Variants in THNSL1 observed in about 807,000 individuals in gnomAD.
THNSL1 encodes the protein threonine synthase-like 1.
In THNSL1, 48 loss-of-function variants were observed where a neutral mutation model predicts 50.4. That is an observed-to-expected ratio of 0.95 (90% confidence interval 0.76 to 1.21). The LOEUF (loss-of-function observed/expected upper bound fraction) is 1.21, where lower values mean the gene tolerates loss of function less well. THNSL1 is among the 50% of genes most tolerant of loss of function. The pLI is 0.00. For synonymous variants in THNSL1, 309 were observed against 306.1 expected, an observed-to-expected ratio of 1.01 and a Z score of -0.10; for missense variants, 896 against 871.7, an observed-to-expected ratio of 1.03 and a Z score of -0.35.
the THNSL1 span, chr10:24,952,584 C>G: frequency 1.4e-6 from 2 of 1,444,500 alleles, no homozygotes; most frequent in Non-Finnish European, 1.9e-6. This position sits in a 1 kb window ranked among gnomAD's most constrained non-coding sequence, Gnocchi z 5.1. Flanking sequence ...ATGTTTCTCC[C>G]GGGGAACGCG....
In THNSL1 at chr10:25,025,831, T is replaced by C. The variant is rs112039464; in HGVS notation, c.*376T>C. 2,431 of 181,166 alleles carry C rather than the reference T, an allele frequency of 0.013. 60 individuals carry two copies. The highest frequency in any genetic ancestry group is 0.054 in the African/African-American group (2,283 of 42,004). 11.2% of individuals were successfully genotyped at this position (181,166 alleles called of 1,614,324 possible). On this transcript the variant is annotated 3_prime_UTR_variant, in exon 3 of 3. Coordinates refer to ENST00000376356, the MANE Select transcript of THNSL1 (RefSeq NM_024838.5). ...TACTACATCTGTAACTAGTGAATAC[T>C]CTGTTGATTAGAAAGTTAATTTACC...
the THNSL1 span, among the ~76,000 whole-genome samples, chr10:24,960,365 A>G: frequency 4.6e-5 from 7 of 152,048 alleles, no homozygotes; most frequent in African/African-American, 1.7e-4. Context: ...TAAGAGTCCT[A>G]TGGGTTGCAC....
chr10:24,976,917 C>T, the THNSL1 span, among the ~76,000 whole-genome samples: 2 of 152,182 alleles, frequency 1.3e-5, no homozygotes, highest in Non-Finnish European at 2.9e-5. Flanking sequence ...CCAGATTAAA[C>T]CAATGAATTT....
the THNSL1 span, among the ~76,000 whole-genome samples, chr10:24,955,540 T>C: frequency 6.6e-6 from 1 of 152,340 alleles, no homozygotes; most frequent in African/African-American, 2.4e-5. Context: ...AAGAGAATTC[T>C]TTGCAAAATG....
At chr10:25,014,632 A>T (rs1329322949), upstream of THNSL1, among the ~76,000 whole-genome samples, 1 of 152,182 alleles carries the variant, frequency 6.6e-6, no homozygotes, top group Non-Finnish European at 1.5e-5. Flanking sequence ...ACAATCTACC[A>T]ATCTGTTATA....
the THNSL1 span, among the ~76,000 whole-genome samples, chr10:24,954,111 T>G: frequency 6.6e-6 from 1 of 152,182 alleles, no homozygotes; most frequent in African/African-American, 2.4e-5. Flanking sequence ...TTATTTTCAT[T>G]TTCAAAGACC....
At chr10:24,957,176 C>A in the THNSL1 span, among the ~76,000 whole-genome samples, 1 of 152,222 alleles carries the variant, frequency 6.6e-6, no homozygotes, top group African/African-American at 2.4e-5. Context: ...TTTCACCTGA[C>A]TCTGCTAACC....
At chr10:25,012,246 G>A (rs1324638892), upstream of THNSL1, among the ~76,000 whole-genome samples, 2 of 152,270 alleles carry the variant, frequency 1.3e-5, no homozygotes, top group African/African-American at 4.8e-5. Context: ...AGCCCTCATG[G>A]AGAACCTCTG....
Position 25,023,802 on chromosome 10 carries a change from T to C in THNSL1, c.579T>C (p.Tyr193=), listed in dbSNP as rs1369199329. The change falls in exon 3 of 3, where the codon TAT becomes TAC. Residue 193 remains tyrosine (Y), a synonymous_variant. Coordinates refer to ENST00000376356, the MANE Select transcript of THNSL1 (RefSeq NM_024838.5). ...TACTTAAATTTAGAAGACAGTATTATAAGAAGTGGTATGATGCTCGTGTTT... is the reference window on the plus strand; with the variant it reads ...TACTTAAATTTAGAAGACAGTATTACAAGAAGTGGTATGATGCTCGTGTTT... ...KDLLKFRRQY[Y]KKWYDARVFC... is the part of the protein sequence containing the mutation. The C allele has an allele frequency of 1.9e-6, 3 of 1,614,100 alleles. No homozygotes were observed. The highest frequency in any genetic ancestry group is 1.3e-5 in the African/African-American group (1 of 74,942).
chr10:24,992,208 C>T, the THNSL1 span, among the ~76,000 whole-genome samples: 2 of 152,132 alleles, frequency 1.3e-5, no homozygotes, highest in Admixed American at 1.3e-4. Flanking sequence ...AAGTTTCCGT[C>T]TTCAGGGAAT....
At chr10:24,978,545 G>T in the THNSL1 span, among the ~76,000 whole-genome samples, 1 of 151,450 alleles carries the variant, frequency 6.6e-6, no homozygotes, top group African/African-American at 2.4e-5. Flanking sequence ...TTCCTAGAGA[G>T]ACCATGTATT....
At chr10:25,002,922 TAA>T in the THNSL1 span, among the ~76,000 whole-genome samples, 1 of 147,244 alleles carries the variant, frequency 6.8e-6, no homozygotes, top group Admixed American at 6.8e-5. Context: ...TCATTTGGGG[TAA>T]AAAAAAAAGG....
chr10:24,977,616 G>A, the THNSL1 span, among the ~76,000 whole-genome samples: 1 of 152,054 alleles, frequency 6.6e-6, no homozygotes, highest in Non-Finnish European at 1.5e-5. Flanking sequence ...AAGGAATGAA[G>A]AATATGTATT....
rs756869884 is a variant in THNSL1, at chr10:25,025,443, T to C, written c.2220T>C (p.Asn740=). 2 of 1,601,704 alleles carry C rather than the reference T, an allele frequency of 1.2e-6. No homozygotes were observed. The highest frequency in any genetic ancestry group is 2.3e-5 in the South Asian group (2 of 88,272). The change falls in exon 3 of 3, where the codon AAT becomes AAC. Residue 740 remains asparagine (N), a synonymous_variant. Transcript: ENST00000376356. ...GTCATGTGGAACAACTTGTCCAAAA[T>C]CAATTCATATGAAAGCTTTCAGAGT... ...LKSHVEQLVQ[N]QFI
the THNSL1 span, among the ~76,000 whole-genome samples, chr10:24,980,269 G>A: frequency 6.6e-6 from 1 of 151,994 alleles, no homozygotes; most frequent in Non-Finnish European, 1.5e-5. Context: ...TTGCCTATCC[G>A]TCAAGGGTTT....
At chr10:25,022,498 T>C (rs553878426) in intron 2 of THNSL1, among the ~76,000 whole-genome samples, 1 of 152,342 alleles carries the variant, frequency 6.6e-6, no homozygotes, top group East Asian at 1.9e-4. Context: ...TTTTAAAGCC[T>C]TCAATATGAA....
upstream of THNSL1, chr10:25,016,127 T>G (rs1850565409): frequency 2.4e-6 from 3 of 1,254,660 alleles, no homozygotes; most frequent in Non-Finnish European, 3.0e-6. Flanking sequence ...AACACCCTAT[T>G]TCTCTCCGGA....
In THNSL1 at chr10:25,023,978, G is replaced by C; in HGVS notation, c.755G>C (p.Ser252Thr). The C allele has an allele frequency of 1.2e-6, 2 of 1,614,208 alleles. No homozygotes were observed. The highest frequency in any genetic ancestry group is 1.7e-6 in the Non-Finnish European group (2 of 1,180,018). Residue 252 changes from serine to threonine, a missense_variant, in exon 3 of 3, where the codon AGT becomes ACT. Ser to Thr is a moderately conservative substitution (Grantham distance 58). Transcript: ENST00000376356. ...CAGAAGGTTTCAGCAAAATTCTTTAGTGAAGCTGTAATTGAGGGGTTGGCT... is the reference window on the plus strand; with the variant it reads ...CAGAAGGTTTCAGCAAAATTCTTTACTGAAGCTGTAATTGAGGGGTTGGCT... ...CEQKVSAKFF[S>T]EAVIEGLASD...
Position 25,025,371 on chromosome 10 carries a change from G to C in THNSL1, c.2148G>C (p.Glu716Asp). The change falls in exon 3 of 3, where the codon GAG becomes GAC. Residue 716 changes from glutamate (E) to aspartate (D), a missense_variant. Coordinates refer to ENST00000376356, the MANE Select transcript of THNSL1 (RefSeq NM_024838.5). ...EALLERTKQQ[E>D]KMEYQVCAAD... ...TATTAGAGAGAACAAAACAGCAAGA[G>C]AAGATGGAGTACCAGGTCTGTGCAG... 3 of 1,614,244 alleles carry C rather than the reference G, an allele frequency of 1.9e-6. No individual in the cohort carries two copies. In the South Asian group the frequency reaches 3.3e-5, roughly 18 times the overall value.
Sources: allele counts gnomAD v4.1 joint callset (sites outside exome capture counted in the v4.1 genomes callset), GRCh38; gene constraint gnomAD v4.1.1; non-coding constraint Gnocchi (gnomAD v3.1); transcripts MANE v1.5; gene names NCBI Gene and HGNC (gene_info 2026-07-23, HGNC 2026-07-21).